Variants in NAV1 observed in about 807,000 individuals in gnomAD.
NAV1 encodes neuron navigator 1, also known as pore membrane and/or filament interacting like protein 3.
In NAV1, 18 loss-of-function variants were observed where a neutral mutation model predicts 175.2. That is an observed-to-expected ratio of 0.10 (90% CI 0.07 to 0.15). The LOEUF (loss-of-function observed/expected upper bound fraction) is 0.15. Among genes scored for constraint, NAV1 ranks in the 10% least tolerant of loss-of-function variants. The probability of loss-of-function intolerance (pLI) is 1.00; values close to 1 mark genes in which losing one functional copy is unlikely to be tolerated. For synonymous variants in NAV1, 897 were observed against 978.7 expected, an observed-to-expected ratio of 0.92 and a Z score of 1.56; for missense variants, 1,731 against 2,436.6, an observed-to-expected ratio of 0.71 and a Z score of 6.10.
At chr1:201,719,238 C>T (rs1672269009) in intron 3 of NAV1, among the ~76,000 whole-genome samples, 1 of 151,876 alleles carries the variant, frequency 6.6e-6, no homozygotes, top group Non-Finnish European at 1.5e-5. Flanking sequence ...TGGGTGAAAT[C>T]GCTAGTCAAA....
Position 201,593,237 on chromosome 1 carries a change from G to A in NAV1, c.-33+4588G>A, listed in dbSNP as rs541196964. On this transcript the variant is annotated intron_variant, in intron 2 of 33. Coordinates refer to the NAV1 transcript ENST00000685211. ...AACTGATGCCTTTTCCAGCCCCATC[G>A]TCTCCAGCTTCAGGCCCTATTCATC... is the stretch of plus-strand genomic sequence containing the variant. Among the ~76,000 whole-genome samples the A allele has an allele frequency of 1.8e-4, 28 of 152,272 alleles. No individual in the cohort carries two copies. In the South Asian group the frequency reaches 2.3e-3, roughly 12 times the overall value.
chr1:201,810,378 G>A lies in NAV1; in HGVS notation c.4562-145G>A. 1.2e-6 allele frequency: 1 copy of A among 842,638 alleles called. No individual in the cohort carries two copies. The highest frequency in any genetic ancestry group is 1.8e-6 in the Non-Finnish European group (1 of 548,462). The allele number at this position is 842,638 out of a possible 1,614,324, so 52.2% of individuals were successfully genotyped here. On this transcript the variant is annotated intron_variant, in intron 23 of 29. Coordinates refer to ENST00000367296, the Ensembl canonical transcript of NAV1. This position sits in a 1 kb window ranked among gnomAD's most constrained non-coding sequence, Gnocchi z 6.0. ...AAGATCTAAGTTTTCAAAACTAGGG[G>A]TTAAGGGACTCTTATGGAACCATGG...
At chr1:201,623,278 A>C in exon 1 of NAV1, 2 of 985,996 alleles carry the variant, frequency 2.0e-6, no homozygotes, top group South Asian at 9.4e-5. Context: ...AAAGAAGAAA[A>C]AAGCCCAGGA....
In NAV1 at chr1:201,740,988, C is replaced by A. The variant is rs969778690; in HGVS notation, c.1226+22233C>A. Among the ~76,000 whole-genome samples, 7 of 152,234 alleles carry A rather than the reference C, an allele frequency of 4.6e-5. No individual in the cohort carries two copies. In the South Asian group the frequency reaches 1.5e-3, roughly 32 times the overall value. On this transcript the variant is annotated intron_variant, in intron 3 of 29. Coordinates refer to ENST00000367296, the Ensembl canonical transcript of NAV1. The surrounding 1 kb of genome is among the most constrained non-coding windows in gnomAD (Gnocchi z 4.7). ...TATACACTCTCCTTCCCCTCAGCCT[C>A]CCGCAGACCTGGGAAGTTGGAGGTT...
chr1:201,761,333 G>T (rs866352617), intron 3 of NAV1, among the ~76,000 whole-genome samples: 23 of 152,160 alleles, frequency 1.5e-4, no homozygotes, highest in African/African-American at 5.1e-4. Context: ...GTTTGTGGTG[G>T]GAAGCTTCAT....
intron 2 of NAV1, among the ~76,000 whole-genome samples, chr1:201,617,138 T>C (rs1668024278): frequency 6.6e-6 from 1 of 151,928 alleles, no homozygotes; most frequent in African/African-American, 2.4e-5. Flanking sequence ...TCAGGGTACT[T>C]AGAAGGAGAA....
At chr1:201,622,909 C>T (rs529006280), upstream of NAV1, 2 of 986,256 alleles carry the variant, frequency 2.0e-6, no homozygotes, top group South Asian at 4.7e-5. Context: ...CAATGTGAAT[C>T]CCGCCAGCCG....
At chr1:201,720,715 T>C (rs1414991497) in intron 3 of NAV1, among the ~76,000 whole-genome samples, 2 of 152,224 alleles carry the variant, frequency 1.3e-5, no homozygotes, top group Non-Finnish European at 2.9e-5. Context: ...GAGGATTCAA[T>C]GGGTTAATAT....
intron 2 of NAV1, among the ~76,000 whole-genome samples, chr1:201,634,784 C>T (rs577653428): frequency 8.5e-5 from 13 of 152,236 alleles, no homozygotes; most frequent in Admixed American, 3.3e-4. Flanking sequence ...CTCTTTTCCC[C>T]GTGGCTACCT....
chr1:201,602,904 C>G (rs1268875876), intron 2 of NAV1, among the ~76,000 whole-genome samples: 4 of 152,074 alleles, frequency 2.6e-5, no homozygotes, highest in Admixed American at 2.0e-4. Flanking sequence ...GAAATGGTAG[C>G]AGCATTCCTC....
At chr1:201,649,717 C>T (rs1669114236) in intron 1 of NAV1, among the ~76,000 whole-genome samples, 1 of 152,184 alleles carries the variant, frequency 6.6e-6, no homozygotes, top group African/African-American at 2.4e-5. Flanking sequence ...GTTACAGGCT[C>T]TCAGAAATAG....
Position 201,596,971 on chromosome 1 carries a change from G to A in NAV1, c.-33+8322G>A, listed in dbSNP as rs560100410. 1.7e-3 allele frequency among the ~76,000 whole-genome samples: 264 copies of A among 152,156 alleles called. 1 individual carries two copies. The highest frequency in any genetic ancestry group is 3.4e-3 in the Non-Finnish European group (228 of 68,002). On this transcript the variant is annotated intron_variant, in intron 2 of 33. Coordinates refer to the NAV1 transcript ENST00000685211. ...CTCCTGAGTAGCTAAGATCACAGGT[G>A]CCCACCACCACACCCAGCTAATTTT...
intron 11 of NAV1, 38 bp downstream of exon 15, chr1:201,789,830 C>G: frequency 6.3e-7 from 1 of 1,588,380 alleles, no homozygotes; most frequent in Non-Finnish European, 8.6e-7. Context: ...TCATCCCCTC[C>G]CCTCTACCAT....
intron 1 of NAV1, among the ~76,000 whole-genome samples, chr1:201,678,607 G>A (rs1021711551): frequency 6.6e-6 from 1 of 152,224 alleles, no homozygotes; most frequent in African/African-American, 2.4e-5. Flanking sequence ...GAAGAAAGGA[G>A]TGATAAAGGA....
chr1:201,608,142 C>T (rs1426647785), intron 2 of NAV1, among the ~76,000 whole-genome samples: 1 of 152,124 alleles, frequency 6.6e-6, no homozygotes, highest in Non-Finnish European at 1.5e-5. Flanking sequence ...TTTTTTTCCA[C>T]CTCTACAGCA....
intron 1 of NAV1, among the ~76,000 whole-genome samples, chr1:201,553,574 G>A (rs1006343206): frequency 1.3e-5 from 2 of 152,212 alleles, no homozygotes; most frequent in African/African-American, 4.8e-5. Flanking sequence ...AGATCGATGT[G>A]TTTTTGACAA....
At chr1:201,544,215 T>G (rs1163516408) in intron 1 of NAV1, among the ~76,000 whole-genome samples, 1 of 152,206 alleles carries the variant, frequency 6.6e-6, no homozygotes, top group Non-Finnish European at 1.5e-5. Flanking sequence ...TGTCTGTCAT[T>G]TTTAAAAGCT....
At chr1:201,557,216 G>A (rs1666048950) in intron 1 of NAV1, among the ~76,000 whole-genome samples, 3 of 152,324 alleles carry the variant, frequency 2.0e-5, no homozygotes, top group South Asian at 4.1e-4. Flanking sequence ...AGTACCTGAG[G>A]CAGGAGCCCA....
At chr1:201,676,664 A>C (rs1243843612) in intron 1 of NAV1, among the ~76,000 whole-genome samples, 1 of 152,180 alleles carries the variant, frequency 6.6e-6, no homozygotes, top group Non-Finnish European at 1.5e-5. Context: ...AAAGGTGAAC[A>C]CAATCTTTCA....
Sources: gnomAD v4.1 joint callset for allele counts (sites outside exome capture counted in the v4.1 genomes callset) on GRCh38, gnomAD v4.1.1 for gene constraint, Gnocchi (gnomAD v3.1) non-coding constraint, MANE v1.5 for transcripts, NCBI Gene and HGNC (gene_info 2026-07-23, HGNC 2026-07-21) for gene names.